The following PRELID3A variants were observed in gnomAD, a reference collection of about 807,000 sequenced individuals.
The protein encoded by PRELID3A is PRELI domain containing 3A, also known as PRELI domain containing protein 3A.
Under a neutral mutation model 23.0 loss-of-function variants are expected in PRELID3A, and 27 were observed. The observed-to-expected ratio is 1.17, with a 90% confidence interval of 0.87 to 1.62. The LOEUF is 1.62. Among genes scored for constraint, PRELID3A ranks in the 40% most tolerant of loss-of-function variants. PRELID3A has a pLI of 0.00. For synonymous variants in PRELID3A, 87 were observed against 86.4 expected, an observed-to-expected ratio of 1.01 and a Z score of -0.04; for missense variants, 231 against 231.4, an observed-to-expected ratio of 1.00 and a Z score of 0.01.
intron 1 of PRELID3A, among the ~76,000 whole-genome samples, chr18:12,411,186 T>C (rs375424443): frequency 6.6e-6 from 1 of 151,066 alleles, no homozygotes; most frequent in Non-Finnish European, 1.5e-5. Flanking sequence ...TAAATAAAAT[T>C]AAAAGTATAT....
intron 3 of PRELID3A, among the ~76,000 whole-genome samples, chr18:12,425,391 C>A (rs1309157652): frequency 4.3e-5 from 6 of 139,172 alleles, no homozygotes; most frequent in African/African-American, 1.6e-4. Context: ...GAGGCCGAGG[C>A]GGGTGGATCA....
At position 12,420,492 on chromosome 18, in the gene PRELID3A, C is replaced by T. The variant is rs776582926; in HGVS notation, c.200C>T (p.Ala67Val). ...TGGGGGCTGCCCAGCCTCGTGAGAG[C>T]GGTGAGCGGGGCGGGGGCTGCGGCT... ...TEWGLPSLVRAILGTSRTLTY... is the reference protein window; with the variant it reads ...TEWGLPSLVRVILGTSRTLTY... The change falls in exon 2 of 7, where the codon GCG becomes GTG. Residue 67 changes from alanine (A) to valine (V), a missense_variant and splice_region_variant. Physicochemically the swap from Ala to Val is moderately conservative, Grantham distance 64. Coordinates refer to ENST00000440960, the MANE Select transcript of PRELID3A (RefSeq NM_001142405.2). 2.0e-5 allele frequency: 30 copies of T among 1,532,630 alleles called. No homozygotes were observed. In the South Asian group the frequency reaches 2.1e-4, roughly 11 times the overall value. 94.9% of individuals were successfully genotyped at this position (1,532,630 alleles called of 1,614,324 possible). A position where few individuals can be genotyped will look rare whatever the true frequency, so the allele number is the denominator to read the frequency against.
chr18:12,418,992 C>T (rs1295520204), intron 1 of PRELID3A, among the ~76,000 whole-genome samples: 1 of 152,072 alleles, frequency 6.6e-6, no homozygotes, highest in Non-Finnish European at 1.5e-5. Flanking sequence ...AGTTCGACAT[C>T]AACCTGGCAA....
chr18:12,413,780 C>G (rs531367850), intron 1 of PRELID3A, among the ~76,000 whole-genome samples: 1 of 152,210 alleles, frequency 6.6e-6, no homozygotes, highest in East Asian at 1.9e-4. Context: ...GACGGGGTTT[C>G]GCCATGTTGG....
chr18:12,420,113 A>C (rs1428235893), intron 1 of PRELID3A: 1 of 1,418,966 alleles, frequency 7.0e-7, no homozygotes, highest in African/African-American at 1.4e-5. Context: ...TCAGACAAAC[A>C]AAAACCAAGG....
chr18:12,419,666 G>A (rs1300766699), intron 1 of PRELID3A, among the ~76,000 whole-genome samples: 2 of 151,732 alleles, frequency 1.3e-5, no homozygotes, highest in Non-Finnish European at 2.9e-5. Flanking sequence ...TAGGCCGGGC[G>A]TGGTGGCTCA....
chr18:12,417,299 G>A (rs939174578), intron 1 of PRELID3A, among the ~76,000 whole-genome samples: 1 of 151,874 alleles, frequency 6.6e-6, no homozygotes, highest in Non-Finnish European at 1.5e-5. Flanking sequence ...TCAGTCTCCC[G>A]AGTAGCTGGG....
chr18:12,413,773 G>A (rs527763334), intron 1 of PRELID3A, among the ~76,000 whole-genome samples: 6 of 152,064 alleles, frequency 3.9e-5, no homozygotes, highest in Non-Finnish European at 7.4e-5. Context: ...TAGTAGAGAC[G>A]GGGTTTCGCC....
At position 12,422,704 on chromosome 18, in the gene PRELID3A, T is replaced by G. The variant is rs547840360; in HGVS notation, c.291+1075T>G. On this transcript the variant is annotated intron_variant, in intron 3 of 6. Transcript: ENST00000440960. The stretch of plus-strand genomic sequence containing the variant: ...CTTCCCCCCTTCACTCCTCTCTCAC[T>G]TCTCTCAATTAAAAAATGTATATTG... Among the ~76,000 whole-genome samples the G allele has an allele frequency of 8.9e-4, 136 of 152,224 alleles. 1 individual carries two copies. Among genetic ancestry groups the G allele is most frequent in the Middle Eastern group, 3.4e-3 (1 of 294 alleles).
At chr18:12,426,568 T>TAAAAAAAAAAA (rs1417209245) in intron 3 of PRELID3A, among the ~76,000 whole-genome samples, 1 of 22,658 alleles carries the variant, frequency 4.4e-5, no homozygotes, top group Non-Finnish European at 1.2e-4. Context: ...AAAAAAAAAG[T>TAAAAAAAAAAA]ATAAATATGT....
chr18:12,417,913 T>C (rs771326474), intron 1 of PRELID3A, among the ~76,000 whole-genome samples: 1 of 152,202 alleles, frequency 6.6e-6, no homozygotes, highest in Non-Finnish European at 1.5e-5. Context: ...TTCAAAAAAC[T>C]GAACATAAGT....
rs560250218 is a variant in PRELID3A, at chr18:12,408,072, T to A, written c.32+65T>A. On this transcript the variant is annotated intron_variant, in intron 1 of 6. Transcript: ENST00000440960. ...GCCGGCTCCTGCTCCCGAGCCCGGCTGGAGCGGTCCAGGAAAGGCCGGACC... is the reference window on the plus strand; with the variant it reads ...GCCGGCTCCTGCTCCCGAGCCCGGCAGGAGCGGTCCAGGAAAGGCCGGACC... 1.4e-3 allele frequency: 1,708 copies of A among 1,223,520 alleles called. 23 individuals are homozygous for A. The African/African-American group carries it at 0.024, about 18-fold the overall frequency. The allele number at this position is 1,223,520 out of a possible 1,614,324, so 75.8% of individuals were successfully genotyped here. A position where few individuals can be genotyped will look rare whatever the true frequency, so the allele number is the denominator to read the frequency against.
In PRELID3A at chr18:12,421,761, A is replaced by C. The variant is rs561258907; in HGVS notation, c.291+132A>C. The C allele has an allele frequency of 1.8e-4, 112 of 625,854 alleles. No homozygotes were observed. The African/African-American group carries it at 2.0e-3, about 11-fold the overall frequency. The allele number at this position is 625,854 out of a possible 1,614,324, so 38.8% of individuals were successfully genotyped here. On this transcript the variant is annotated intron_variant, in intron 3 of 6. Transcript: ENST00000440960. ...TATTTTTAACAGAAAGGCTGAATTC[A>C]TTTAGCAGTTTATCTTTTTATTCAA...
intron 2 of PRELID3A, chr18:12,421,143 C>G (rs938100184): frequency 2.7e-5 from 5 of 187,510 alleles, no homozygotes; most frequent in Non-Finnish European, 5.4e-5. Context: ...GCGCAGGCCT[C>G]TCAGTCAGCC....
At chr18:12,430,756 ATGTG>A (rs1165754535) in intron 6 of PRELID3A, among the ~76,000 whole-genome samples, 1 of 90,428 alleles carries the variant, frequency 1.1e-5, no homozygotes, top group African/African-American at 4.1e-5. Flanking sequence ...GTGTGTGTGC[ATGTG>A]TGTGATGTGT....
At chr18:12,422,361 AT>A (rs56323525) in intron 3 of PRELID3A, 65,034 of 134,146 alleles carry the variant, frequency 0.48, 15,659 homozygotes, top group African/African-American at 0.6. Flanking sequence ...ACCAACAGGC[AT>A]TTTTTTTTTT....
intron 2 of PRELID3A, chr18:12,421,167 AG>A: frequency 4.8e-6 from 1 of 206,380 alleles, no homozygotes; most frequent in African/African-American, 2.3e-5. Context: ...CTCCTGCTGC[AG>A]GGGCCTGCAC....
intron 1 of PRELID3A, among the ~76,000 whole-genome samples, chr18:12,409,653 A>G (rs1424366901): frequency 6.6e-6 from 1 of 152,114 alleles, no homozygotes; most frequent in African/African-American, 2.4e-5. Context: ...TGCTGTGGAC[A>G]GTTAAGTCAT....
intron 3 of PRELID3A, among the ~76,000 whole-genome samples, chr18:12,423,867 C>T (rs2030273566): frequency 6.6e-6 from 1 of 152,212 alleles, no homozygotes; most frequent in South Asian, 2.1e-4. Flanking sequence ...CCTGCCCCAA[C>T]CAGAGGGCCT....
Sources: gnomAD v4.1 joint callset for allele counts (sites outside exome capture counted in the v4.1 genomes callset) on GRCh38, gnomAD v4.1.1 for gene constraint, MANE v1.5 for transcripts, NCBI Gene and HGNC (gene_info 2026-07-23, HGNC 2026-07-21) for gene names.